The following SEC23IP variants were observed in gnomAD, a reference collection of about 807,000 sequenced individuals.
SEC23IP encodes SEC23 interacting protein, also known as SEC23-interacting protein.
SEC23IP carries 70 observed loss-of-function variants against 113.4 expected under a neutral mutation model. The ratio of observed to expected loss-of-function variants is 0.62; its 90% CI spans 0.51 to 0.75. SEC23IP has a LOEUF of 0.75. SEC23IP is among the 30% of genes least tolerant of loss of function. The pLI is 0.00. For synonymous variants in SEC23IP, 398 were observed against 421.0 expected (o/e 0.95, Z 0.67); for missense variants, 1,160 against 1,204.9 (o/e 0.96, Z 0.55).
At chr10:119,913,683 C>T (rs1031188629) in intron 6 of SEC23IP, among the ~76,000 whole-genome samples, 5 of 151,268 alleles carry the variant, frequency 3.3e-5, no homozygotes, top group South Asian at 2.1e-4. Flanking sequence ...GTGGAGACAG[C>T]GTTTTGCCAT....
chr10:119,914,635 T>C lies in SEC23IP; in HGVS notation c.1313-95T>C, dbSNP rs755861938. 1.0e-5 allele frequency: 10 copies of C among 964,594 alleles called. 1 individual carries two copies. The highest frequency in any genetic ancestry group is 4.2e-4 in the Middle Eastern group (2 of 4,714). The allele number at this position is 964,594 out of a possible 1,614,324, so 59.8% of individuals were successfully genotyped here. The stretch of plus-strand genomic sequence containing the variant: ...AAGGGTCATGAATTTCTTTGGCAAG[T>C]TTGTGATGACGAAAGGGATATCTAG... On this transcript the variant is annotated intron_variant, in intron 6 of 18. Transcript: ENST00000369075.
At chr10:119,923,006 AAAAAAAAC>A (rs1269505959) in intron 12 of SEC23IP, among the ~76,000 whole-genome samples, 3 of 149,548 alleles carry the variant, frequency 2.0e-5, no homozygotes, top group Non-Finnish European at 4.4e-5. Context: ...AGCCTATAAA[AAAAAAAAC>A]AAAAAAAACA....
At chr10:119,932,060 A>T in intron 15 of SEC23IP, 73 bp from the exon 16 acceptor site, 1 of 938,376 alleles carries the variant, frequency 1.1e-6, no homozygotes, top group Non-Finnish European at 1.7e-6. Context: ...GAAGAGTGTT[A>T]ACTTACAATT....
intron 18 of SEC23IP, among the ~76,000 whole-genome samples, chr10:119,936,756 A>T (rs1439754566): frequency 6.6e-6 from 1 of 151,906 alleles, no homozygotes; most frequent in Non-Finnish European, 1.5e-5. Flanking sequence ...CATTTCTATT[A>T]TTAGTGAAGT....
rs889955942 is a variant in SEC23IP at position 119,932,192 on chromosome 10, C to T, written c.2632C>T (p.Leu878Phe). The T allele has an allele frequency of 3.5e-5, 56 of 1,612,968 alleles. No homozygotes were observed. The highest frequency in any genetic ancestry group is 4.5e-5 in the Non-Finnish European group (53 of 1,179,094). The change falls in exon 16 of 19, where the codon CTC becomes TTC. Residue 878 changes from leucine (L) to phenylalanine (F), a missense_variant. Coordinates refer to ENST00000369075, the MANE Select transcript of SEC23IP (RefSeq NM_007190.4). The part of the protein sequence containing the change: ...SDLKQGFISS[L>F]KSAWQTLNEF... ...TTTGAAGCAGGGTTTTATTAGCTCTCTCAAAAGTGCTTGGCAGACATTAAA... is the reference window on the plus strand; with the variant it reads ...TTTGAAGCAGGGTTTTATTAGCTCTTTCAAAAGTGCTTGGCAGACATTAAA...
At chr10:119,909,196 T>C in intron 5 of SEC23IP, 66 bp downstream of exon 5, 1 of 1,092,150 alleles carries the variant, frequency 9.2e-7, no homozygotes, top group Non-Finnish European at 1.3e-6. Flanking sequence ...GTATGTTTGA[T>C]AAATTGTTCA....
chr10:119,904,714 A>T (rs1372429998), intron 4 of SEC23IP: 2 of 155,446 alleles, frequency 1.3e-5, no homozygotes, highest in Non-Finnish European at 2.9e-5. Context: ...TCAAGAAATT[A>T]TATGTTGTTT....
chr10:119,893,647 G>A (rs1329119699), intron 1 of SEC23IP, among the ~76,000 whole-genome samples: 1 of 151,048 alleles, frequency 6.6e-6, no homozygotes, highest in African/African-American at 2.4e-5. Context: ...AGCCTCCCGA[G>A]TAGCTGGGAC....
intron 12 of SEC23IP, among the ~76,000 whole-genome samples, chr10:119,922,835 C>T (rs1293312594): frequency 6.6e-6 from 1 of 152,024 alleles, no homozygotes; most frequent in Non-Finnish European, 1.5e-5. Context: ...TCACCTGAGC[C>T]TCACAACAAC....
intron 1 of SEC23IP, among the ~76,000 whole-genome samples, chr10:119,893,563 A>C (rs1423166360): frequency 1.6e-5 from 2 of 123,504 alleles, no homozygotes; most frequent in Non-Finnish European, 3.1e-5. Context: ...TCTGTCGCCC[A>C]GGCTGGAATG....
At position 119,892,958 on chromosome 10, in the gene SEC23IP, G is replaced by T. The variant is rs772819959; in HGVS notation, c.163+13G>T. 33 of 1,604,382 alleles carry T rather than the reference G, an allele frequency of 2.1e-5. No homozygotes were observed. The South Asian group carries it at 3.4e-4, about 17-fold the overall frequency. On this transcript the variant is annotated intron_variant, in intron 1 of 18. Transcript: ENST00000369075. ...CTCTTACCGGGAGGTAATAAGGGGA[G>T]GGCGGCCCCGTGTGTGGTGGGAGGC... is the stretch of plus-strand genomic sequence containing the variant.
intron 13 of SEC23IP, among the ~76,000 whole-genome samples, chr10:119,928,939 G>T (rs1855502323): frequency 6.6e-6 from 1 of 152,198 alleles, no homozygotes; most frequent in African/African-American, 2.4e-5. Flanking sequence ...TGTGGATTAG[G>T]TTATTTATTT....
At chr10:119,930,134 T>C (rs985286650) in intron 14 of SEC23IP, among the ~76,000 whole-genome samples, 195 bp from the exon 15 acceptor site, 2 of 152,248 alleles carry the variant, frequency 1.3e-5, no homozygotes, top group Non-Finnish European at 2.9e-5. Flanking sequence ...AAATAATTCT[T>C]TTGCTTTGCT....
chr10:119,922,274 G>A (rs1589841314), intron 12 of SEC23IP, among the ~76,000 whole-genome samples: 1 of 152,150 alleles, frequency 6.6e-6, no homozygotes, highest in Non-Finnish European at 1.5e-5. Context: ...CTGGAATCTG[G>A]CATGTGTTTT....
chr10:119,892,857 C>T lies in SEC23IP; in HGVS notation c.75C>T (p.Ser25=). The T allele has an allele frequency of 6.2e-7, 1 of 1,614,100 alleles. No individual in the cohort carries two copies. Among genetic ancestry groups the T allele is most frequent in the Non-Finnish European group, 8.5e-7 (1 of 1,179,994 alleles). Residue 25 remains serine, a synonymous_variant, in exon 1 of 19, where the codon TCC becomes TCT. Coordinates refer to ENST00000369075, the MANE Select transcript of SEC23IP (RefSeq NM_007190.4). ...TSSSGTNLLF[S]SSATEFSFNV... ...CATCGGGCACTAACTTACTTTTCTC[C>T]TCCTCGGCCACGGAGTTCAGCTTCA...
At chr10:119,921,521 A>G (rs1855250255) in intron 12 of SEC23IP, among the ~76,000 whole-genome samples, 1 of 152,222 alleles carries the variant, frequency 6.6e-6, no homozygotes, top group African/African-American at 2.4e-5. Context: ...GGATTGGAGT[A>G]AGCATGAAAT....
At chr10:119,906,297 AAAAAG>A (rs1340808316) in intron 4 of SEC23IP, among the ~76,000 whole-genome samples, 2 of 151,630 alleles carry the variant, frequency 1.3e-5, no homozygotes, top group Admixed American at 6.6e-5. Flanking sequence ...AAAAAAAAAA[AAAAAG>A]AAACGGAGCT....
intron 2 of SEC23IP, among the ~76,000 whole-genome samples, chr10:119,899,400 AACTC>A (rs1854403731): frequency 6.6e-6 from 1 of 152,242 alleles, no homozygotes; most frequent in Non-Finnish European, 1.5e-5. Context: ...AGATCAGTCA[AACTC>A]TATCTAGGGA....
At chr10:119,928,346 G>GT (rs533002875) in intron 13 of SEC23IP, among the ~76,000 whole-genome samples, 76 of 152,146 alleles carry the variant, frequency 5.0e-4, no homozygotes, top group African/African-American at 1.8e-3. Context: ...CTTCCAGTTT[G>GT]TAATTGTTCT....
Sources: allele counts gnomAD v4.1 joint callset (sites outside exome capture counted in the v4.1 genomes callset), GRCh38; gene constraint gnomAD v4.1.1; transcripts MANE v1.5; gene names NCBI Gene and HGNC (gene_info 2026-07-23, HGNC 2026-07-21).